Variants in AP1G1 observed in about 807,000 individuals in gnomAD.
The protein encoded by AP1G1 is adaptor related protein complex 1 subunit gamma 1.
In AP1G1, 7 loss-of-function variants were observed where a neutral mutation model predicts 108.3. That is an observed-to-expected ratio of 0.06 (90% CI 0.04 to 0.12). The LOEUF (loss-of-function observed/expected upper bound fraction) is 0.12. Ranked by LOEUF, AP1G1 falls within the 10% of genes least tolerant of loss-of-function variation. The pLI, the probability that AP1G1 is intolerant of heterozygous loss-of-function variation, is 1.00. For missense variants in AP1G1, 756 were observed against 1,010.7 expected (o/e 0.75, Z 3.42); for synonymous variants, 379 against 353.5 (o/e 1.07, Z -0.81).
intron 11 of AP1G1, chr16:71,756,418 T>C (rs910464737): frequency 4.2e-5 from 13 of 309,822 alleles, no homozygotes; most frequent in African/African-American, 2.8e-4. Context: ...TGTCCAAACA[T>C]GCAGCTTGGG....
At chr16:71,805,554 G>C (rs1342311219) in intron 1 of AP1G1, among the ~76,000 whole-genome samples, 2 of 152,122 alleles carry the variant, frequency 1.3e-5, no homozygotes, top group African/African-American at 4.8e-5. Flanking sequence ...CTCTAAGTAA[G>C]AGTTTTAAAG....
At chr16:71,737,776 C>G (rs575413404) in intron 21 of AP1G1, among the ~76,000 whole-genome samples, 20 of 152,388 alleles carry the variant, frequency 1.3e-4, no homozygotes, top group African/African-American at 4.8e-4. Context: ...ATTTCACATG[C>G]CACTGCCAAG....
chr16:71,765,445 T>C, intron 7 of AP1G1, 44 bp downstream of exon 7: 1 of 1,431,616 alleles, frequency 7.0e-7, no homozygotes, highest in Non-Finnish European at 9.8e-7. Flanking sequence ...CTTAAAGATA[T>C]TAAATTCATA....
chr16:71,808,416 T>TGGGGCGGG lies in AP1G1; in HGVS notation c.-4+346_-4+347insCCCGCCCC. On this transcript the variant is annotated intron_variant, in intron 1 of 22. Transcript: ENST00000299980. ...GTGGCTCAGAGAAGACACGCGGGGG[T>TGGGGCGGG]GGGGCCCGCCCCGCTAAACCCCAGG... The TGGGGCGGG allele has an allele frequency of 2.7e-6, 3 of 1,114,578 alleles. No homozygotes were observed. The South Asian group carries it at 4.7e-5, about 18-fold the overall frequency. 69.0% of individuals were successfully genotyped at this position (1,114,578 alleles called of 1,614,324 possible).
chr16:71,734,689 A>C lies in AP1G1; in HGVS notation c.2287T>G (p.Leu763Val). The change falls in exon 22 of 23, where the codon TTG becomes GTG. Residue 763 changes from leucine to valine, a missense_variant. By Grantham distance (32) the Leu-to-Val change is conservative. Transcript: ENST00000299980. The part of the protein sequence containing the change: ...AVPKTFQLQL[L>V]SPSSSIVPAF... ...GGGACAATGCTGCTGCTAGGAGACA[A>C]GAGCTGCAGCTGGAATGTCTAGGGG... is the stretch of plus-strand genomic sequence containing the variant. 1 of 1,613,898 alleles carries C rather than the reference A, an allele frequency of 6.2e-7. No individual in the cohort carries two copies. The highest frequency in any genetic ancestry group is 8.5e-7 in the Non-Finnish European group (1 of 1,179,780).
chr16:71,807,530 G>T (rs970626758), intron 1 of AP1G1, among the ~76,000 whole-genome samples: 4 of 152,222 alleles, frequency 2.6e-5, no homozygotes, highest in Admixed American at 2.0e-4. Flanking sequence ...CGAGTACTTA[G>T]AGGGTTCATA....
intron 19 of AP1G1, among the ~76,000 whole-genome samples, chr16:71,741,564 C>T (rs2045622217): frequency 6.6e-6 from 1 of 152,122 alleles, no homozygotes; most frequent in South Asian, 2.1e-4. Flanking sequence ...GCCTGGGTGA[C>T]AGAGCAAGAC....
chr16:71,803,667 G>A (rs138034622), intron 1 of AP1G1, among the ~76,000 whole-genome samples: 172 of 152,182 alleles, frequency 1.1e-3, no homozygotes, highest in South Asian at 4.4e-3. Context: ...ATTCATGCCT[G>A]TAATCCCAGC....
intron 1 of AP1G1, chr16:71,808,237 A>G (rs543248312): frequency 1.8e-4 from 197 of 1,085,504 alleles, no homozygotes; most frequent in Non-Finnish European, 2.2e-4. Context: ...AAATTGGGAA[A>G]GAAGTTGGTC....
At chr16:71,768,112 T>C (rs945357249) in intron 6 of AP1G1, among the ~76,000 whole-genome samples, 7 of 146,772 alleles carry the variant, frequency 4.8e-5, no homozygotes, top group Non-Finnish European at 4.4e-5. Flanking sequence ...GTTCAATGCA[T>C]GTAACTACCC....
At chr16:71,736,113 AAAAAATATATATATAT>A (rs2045533827) in intron 21 of AP1G1, among the ~76,000 whole-genome samples, 1 of 75,734 alleles carries the variant, frequency 1.3e-5, no homozygotes, top group African/African-American at 5.8e-5. Context: ...AAAAAAAAAA[AAAAAATATATATATAT>A]ATATATATAT....
At chr16:71,751,959 C>G (rs1338506561) in intron 13 of AP1G1, among the ~76,000 whole-genome samples, 2 of 152,054 alleles carry the variant, frequency 1.3e-5, no homozygotes, top group Non-Finnish European at 2.9e-5. Context: ...AAACTATAAG[C>G]CAATCTCTCT....
chr16:71,800,926 C>T (rs1210784311), intron 1 of AP1G1, among the ~76,000 whole-genome samples: 2 of 151,980 alleles, frequency 1.3e-5, no homozygotes, highest in African/African-American at 2.4e-5. Context: ...ACCTGGGAGG[C>T]GGAGGTTGCG....
At chr16:71,793,781 C>T (rs1009945193) in intron 1 of AP1G1, among the ~76,000 whole-genome samples, 3 of 152,300 alleles carry the variant, frequency 2.0e-5, no homozygotes, top group Non-Finnish European at 1.5e-5. Flanking sequence ...GCCTCCTTGG[C>T]TCACTGCAAT....
At chr16:71,743,945 CAAAA>C (rs35804839) in intron 19 of AP1G1, among the ~76,000 whole-genome samples, 3 of 87,194 alleles carry the variant, frequency 3.4e-5, no homozygotes, top group East Asian at 3.0e-4. Context: ...GACTCTGTCT[CAAAA>C]AAAAAAAAAA....
chr16:71,806,772 G>A (rs1216057143), intron 1 of AP1G1: 2 of 1,190,330 alleles, frequency 1.7e-6, no homozygotes, highest in Admixed American at 2.6e-5. Flanking sequence ...GGGTAATACA[G>A]AACTCACGTA....
chr16:71,773,064 G>A, intron 4 of AP1G1, 157 bp downstream of exon 4: 1 of 825,762 alleles, frequency 1.2e-6, no homozygotes, highest in South Asian at 1.5e-5. Flanking sequence ...CTTAAGAAAA[G>A]AGGAATTAAG....
intron 22 of AP1G1, among the ~76,000 whole-genome samples, chr16:71,733,461 A>G (rs1282933000): frequency 4.2e-5 from 1 of 23,700 alleles, no homozygotes; most frequent in African/African-American, 1.6e-4. Flanking sequence ...TTCTTTTGAA[A>G]CAGGGTTTTG....
intron 1 of AP1G1, among the ~76,000 whole-genome samples, chr16:71,793,824 C>G (rs1158958997): frequency 6.6e-6 from 1 of 152,204 alleles, no homozygotes; most frequent in Non-Finnish European, 1.5e-5. Context: ...ATCCTCCCAC[C>G]TCAGCTCCCC....
Sources: gnomAD v4.1 joint callset for allele counts (sites outside exome capture counted in the v4.1 genomes callset) on GRCh38, gnomAD v4.1.1 for gene constraint, MANE v1.5 for transcripts, NCBI Gene and HGNC (gene_info 2026-07-23, HGNC 2026-07-21) for gene names.